Variants in HSPBP1 observed in about 807,000 individuals in gnomAD.
HSPBP1 encodes the protein HSPA (Hsp70) binding protein 1.
A neutral mutation model predicts 41.7 loss-of-function variants in HSPBP1; 31 were observed. The observed-to-expected ratio is 0.74, with a 90% CI of 0.56 to 1.00. The LOEUF (loss-of-function observed/expected upper bound fraction) is 1.00, where lower values mean the gene tolerates loss of function less well. Among genes scored for constraint, HSPBP1 ranks in the 50% least tolerant of loss-of-function variants. The pLI is 0.00. For missense variants in HSPBP1, 439 were observed against 487.9 expected (o/e 0.90, Z 0.94); for synonymous variants, 199 against 214.4 (o/e 0.93, Z 0.63).
intron 4 of HSPBP1, 28 bp from the exon 5 acceptor site, chr19:55,266,314 T>C (rs1232682799): frequency 6.5e-7 from 1 of 1,545,280 alleles, no homozygotes; most frequent in Admixed American, 2.0e-5. Context: ...GTCCTGAGCT[T>C]GCAGTCACCA....
chr19:55,277,623 G>C lies in HSPBP1; in HGVS notation c.415+19C>G, dbSNP rs2088107250. The stretch of plus-strand genomic sequence containing the variant: ...CATGTACAGAGGGGCAGAACGTCCT[G>C]GCGGGGGAAGCGGGGTACCTGCGGC... On this transcript the variant is annotated intron_variant, in intron 3 of 7. Transcript: ENST00000433386. 3 of 1,597,102 alleles carry C rather than the reference G, an allele frequency of 1.9e-6. No homozygotes were observed. Among genetic ancestry groups the C allele is most frequent in the Non-Finnish European group, 2.6e-6 (3 of 1,173,116 alleles).
At chr19:55,263,019 G>C (rs2087686527) in intron 7 of HSPBP1, among the ~76,000 whole-genome samples, 1 of 152,218 alleles carries the variant, frequency 6.6e-6, no homozygotes, top group African/African-American at 2.4e-5. Flanking sequence ...ATGAAAGAAA[G>C]CACTGAGAGG....
At chr19:55,266,644 T>A (rs990015380) in intron 4 of HSPBP1, among the ~76,000 whole-genome samples, 3 of 144,626 alleles carry the variant, frequency 2.1e-5, no homozygotes, top group Non-Finnish European at 3.0e-5. Flanking sequence ...ATAATTATCG[T>A]CAATCATCGT....
rs2087668855 is a variant in HSPBP1 at position 55,262,426 on chromosome 19, T to TG, written c.*181dup. ...GGGATGAGAGTGAGAGCATGGGAGG[T>TG]GGGGTCCAAGGAGCTGGTGCCTTTC... On this transcript the variant is annotated 3_prime_UTR_variant, in exon 8 of 8. Transcript: ENST00000433386. 3 of 1,409,910 alleles carry TG rather than the reference T, an allele frequency of 2.1e-6. No individual in the cohort carries two copies. The East Asian group carries it at 7.8e-5, about 37-fold the overall frequency. 87.3% of individuals were successfully genotyped at this position (1,409,910 alleles called of 1,614,324 possible).
intron 7 of HSPBP1, among the ~76,000 whole-genome samples, chr19:55,264,784 C>T (rs896278248): frequency 2.6e-5 from 4 of 152,120 alleles, no homozygotes; most frequent in African/African-American, 2.4e-5. Context: ...CAGCACGGGA[C>T]GAATGCTAGG....
intron 3 of HSPBP1, among the ~76,000 whole-genome samples, chr19:55,274,869 G>A (rs552330705): frequency 1.3e-5 from 2 of 152,282 alleles, no homozygotes; most frequent in South Asian, 2.1e-4. Context: ...CATGGAGGGA[G>A]GACACAAAAA....
intron 4 of HSPBP1, among the ~76,000 whole-genome samples, chr19:55,267,565 A>G (rs1334709320): frequency 6.6e-6 from 1 of 151,306 alleles, no homozygotes; most frequent in Non-Finnish European, 1.5e-5. Flanking sequence ...GGCTCAAGCT[A>G]TTCTCCTGCC....
At chr19:55,279,764 C>A (rs2088183105) in intron 1 of HSPBP1, 62 bp from the exon 2 acceptor site, 1 of 1,511,144 alleles carries the variant, frequency 6.6e-7, no homozygotes, top group Admixed American at 2.0e-5. Context: ...AACCACTCTG[C>A]CCCCAGCCCA....
At chr19:55,263,281 C>T (rs759446085) in intron 7 of HSPBP1, among the ~76,000 whole-genome samples, 17 of 152,174 alleles carry the variant, frequency 1.1e-4, no homozygotes, top group Admixed American at 9.8e-4. Context: ...GACTGGAGTA[C>T]TACTTTTCAA....
chr19:55,277,731 C>T lies in HSPBP1; in HGVS notation c.326G>A (p.Gly109Glu), dbSNP rs751567168. 1.9e-6 allele frequency: 3 copies of T among 1,607,788 alleles called. No individual in the cohort carries two copies. In the African/African-American group the frequency reaches 4.0e-5, roughly 21 times the overall value. ...VLSQPMPPTA[G>E]EAEQAADQQE... ...CTGGTCGGCCGCCTGCTCGGCCTCC[C>T]CAGCAGTGGGGGGCATGGGCTGTGA... Residue 109 changes from glycine to glutamate, a missense_variant, in exon 3 of 8, where the codon GGG (glycine) becomes GAG (glutamate). Gly to Glu is a moderately conservative substitution (Grantham distance 98). Transcript: ENST00000433386.
chr19:55,276,280 G>A (rs1420008879), intron 3 of HSPBP1, among the ~76,000 whole-genome samples: 5 of 152,170 alleles, frequency 3.3e-5, no homozygotes, highest in Admixed American at 6.6e-5. Context: ...CCAGGGGACC[G>A]GGGGAGGGCC....
Position 55,279,557 on chromosome 19 carries a change from C to A in HSPBP1, c.52G>T (p.Ala18Ser), listed in dbSNP as rs1429533719. 1 of 1,608,666 alleles carries A rather than the reference C, an allele frequency of 6.2e-7. No homozygotes were observed. The highest frequency in any genetic ancestry group is 8.5e-7 in the Non-Finnish European group (1 of 1,178,034). ...CCCCCTGAAGAGCAACCCTGGGAGGCCGGGGGCAGCGCCAGGGGCAGGCGG... is the reference window on the plus strand; with the variant it reads ...CCCCCTGAAGAGCAACCCTGGGAGGACGGGGGCAGCGCCAGGGGCAGGCGG... Reference protein sequence around the residue: ...GSRLPLALPPASQGCSSGGGG... With the variant: ...GSRLPLALPPSSQGCSSGGGG... Residue 18 changes from alanine (A) to serine (S), a missense_variant, in exon 2 of 8, where the codon GCC (alanine) becomes TCC (serine). Physicochemically the swap from Ala to Ser is moderately conservative, Grantham distance 99. Coordinates refer to ENST00000433386, the MANE Select transcript of HSPBP1 (RefSeq NM_012267.5).
intron 3 of HSPBP1, among the ~76,000 whole-genome samples, chr19:55,275,413 A>G (rs1314065827): frequency 6.6e-6 from 1 of 152,194 alleles, no homozygotes; most frequent in Non-Finnish European, 1.5e-5. Flanking sequence ...TGGCAGCATC[A>G]TTCATAAATG....
In HSPBP1 at chr19:55,272,802, C is replaced by T. The variant is rs1014173903; in HGVS notation, c.640+1596G>A. On this transcript the variant is annotated intron_variant, in intron 4 of 7. Transcript: ENST00000433386. This position sits in a 1 kb window ranked among gnomAD's most constrained non-coding sequence, Gnocchi z 4.2. Reference sequence around the variant, plus strand: ...GTAGTGAGCCGAGATCGCGCCATTGCGCTCCAGCCTGGGTGACAAGAGCGA... The same window carrying T: ...GTAGTGAGCCGAGATCGCGCCATTGTGCTCCAGCCTGGGTGACAAGAGCGA... Among the ~76,000 whole-genome samples the T allele has an allele frequency of 3.3e-5, 5 of 150,840 alleles. No individual in the cohort carries two copies. The highest frequency in any genetic ancestry group is 1.2e-4 in the African/African-American group (5 of 40,928).
At position 55,277,851 on chromosome 19, in the gene HSPBP1, A is replaced by G; in HGVS notation, c.211-5T>C. On this transcript the variant is annotated splice_polypyrimidine_tract_variant and splice_region_variant and intron_variant, in intron 2 of 7. Transcript: ENST00000433386. ...CTCCTGCAGCCACTGACGCCTCTGG[A>G]GACCAAGGCGAGGAGGAAAGAAGGA... 1 of 1,538,994 alleles carries G rather than the reference A, an allele frequency of 6.5e-7. No homozygotes were observed.
rs554304347 is a variant in HSPBP1, at chr19:55,270,322, G to A, written c.641-4036C>T. Among the ~76,000 whole-genome samples the A allele has an allele frequency of 1.4e-3, 206 of 152,314 alleles. No individual in the cohort carries two copies. Among genetic ancestry groups the A allele is most frequent in the African/African-American group, 4.8e-3 (199 of 41,572 alleles). ...CCAGCAAAACTCTGCTAGCCCCGGGGCGAGCCATGGTGGAAGCCCATCTCT... is the reference window on the plus strand; with the variant it reads ...CCAGCAAAACTCTGCTAGCCCCGGGACGAGCCATGGTGGAAGCCCATCTCT... On this transcript the variant is annotated intron_variant, in intron 4 of 7. Transcript: ENST00000433386. This position sits in a 1 kb window ranked among gnomAD's most constrained non-coding sequence, Gnocchi z 5.4.
intron 7 of HSPBP1, among the ~76,000 whole-genome samples, chr19:55,264,472 G>C (rs1174825458): frequency 6.6e-6 from 1 of 152,122 alleles, no homozygotes; most frequent in Non-Finnish European, 1.5e-5. Flanking sequence ...TTTAGCATTT[G>C]TTACTTATCT....
chr19:55,277,896 A>G, intron 2 of HSPBP1, 50 bp from the exon 3 acceptor site: 1 of 1,398,848 alleles, frequency 7.1e-7, no homozygotes, highest in Non-Finnish European at 9.5e-7. Context: ...GTCATTCATT[A>G]CAAAGGAACA....
intron 4 of HSPBP1, among the ~76,000 whole-genome samples, chr19:55,269,192 G>A (rs972335828): frequency 6.6e-6 from 1 of 152,122 alleles, no homozygotes; most frequent in Admixed American, 6.6e-5. Context: ...TGCATTGCAG[G>A]ATGTTGAGCA....
Sources: gnomAD v4.1 joint callset for allele counts (sites outside exome capture counted in the v4.1 genomes callset) on GRCh38, gnomAD v4.1.1 for gene constraint, Gnocchi (gnomAD v3.1) non-coding constraint, MANE v1.5 for transcripts, NCBI Gene and HGNC (gene_info 2026-07-23, HGNC 2026-07-21) for gene names.